Variants in DLGAP1 observed in about 807,000 individuals in gnomAD.
DLGAP1 encodes the protein disks large-associated protein 1.
Under a neutral mutation model 90.8 loss-of-function variants are expected in DLGAP1, and 11 were observed. The observed-to-expected ratio is 0.12, with a 90% confidence interval of 0.08 to 0.20. The LOEUF (loss-of-function observed/expected upper bound fraction) is 0.20. Ranked by LOEUF, DLGAP1 falls within the 10% of genes least tolerant of loss-of-function variation. The pLI is 1.00. For missense variants in DLGAP1, 1,050 were observed against 1,333.8 expected, an observed-to-expected ratio of 0.79 and a Z score of 3.31; for synonymous variants, 558 against 540.7, an observed-to-expected ratio of 1.03 and a Z score of -0.44.
At chr18:4,079,046 A>G (rs2075565651) in intron 2 of DLGAP1, among the ~76,000 whole-genome samples, 1 of 152,184 alleles carries the variant, frequency 6.6e-6, no homozygotes, top group African/African-American at 2.4e-5. Context: ...TCATTGGCAG[A>G]AGACACCTGA....
chr18:3,682,189 G>A (rs2060545134), intron 7 of DLGAP1, among the ~76,000 whole-genome samples: 1 of 151,786 alleles, frequency 6.6e-6, no homozygotes, highest in Non-Finnish European at 1.5e-5. Context: ...ATAAAAGTGT[G>A]TGGCACCTCC....
intron 2 of DLGAP1, among the ~76,000 whole-genome samples, chr18:4,054,169 G>A (rs1251323034): frequency 6.6e-6 from 1 of 152,098 alleles, no homozygotes; most frequent in Non-Finnish European, 1.5e-5. Context: ...TGATCTTTTA[G>A]GTCTGAATAT....
chr18:3,760,214 T>C (rs1036387045), intron 5 of DLGAP1, among the ~76,000 whole-genome samples: 1 of 151,986 alleles, frequency 6.6e-6, no homozygotes, highest in Non-Finnish European at 1.5e-5. Context: ...GGCCAAGACA[T>C]TGTGACAAGA....
At chr18:4,090,529 T>TA (rs1278531831) in intron 2 of DLGAP1, among the ~76,000 whole-genome samples, 1 of 152,146 alleles carries the variant, frequency 6.6e-6, no homozygotes, top group Non-Finnish European at 1.5e-5. Flanking sequence ...AAATGCAAAT[T>TA]AAAACCGCAA....
At chr18:4,439,615 G>A (rs902152663) in intron 1 of DLGAP1, among the ~76,000 whole-genome samples, 3 of 151,876 alleles carry the variant, frequency 2.0e-5, no homozygotes, top group African/African-American at 4.8e-5. Context: ...AGACCAGCCT[G>A]GGCAACATAG....
chr18:4,094,603 CTTTCTT>C (rs1433894301), intron 2 of DLGAP1, among the ~76,000 whole-genome samples: 1 of 131,034 alleles, frequency 7.6e-6, no homozygotes, highest in Non-Finnish European at 1.6e-5. Context: ...CTTCCTTTCT[CTTTCTT>C]TTTTTTTTTT....
intron 7 of DLGAP1, among the ~76,000 whole-genome samples, chr18:3,615,693 T>C (rs1295026192): frequency 1.3e-5 from 2 of 152,134 alleles, no homozygotes; most frequent in African/African-American, 4.8e-5. Context: ...ATTTCTCAAG[T>C]CTGTCTCTGT....
At chr18:3,704,532 T>C (rs2061376513) in intron 7 of DLGAP1, among the ~76,000 whole-genome samples, 1 of 151,560 alleles carries the variant, frequency 6.6e-6, no homozygotes. Context: ...ACTGCACCAC[T>C]GCACTCCAGA....
chr18:3,971,999 C>T (rs2073459836), intron 3 of DLGAP1, among the ~76,000 whole-genome samples: 1 of 152,156 alleles, frequency 6.6e-6, no homozygotes, highest in Non-Finnish European at 1.5e-5. Flanking sequence ...CTTGGGTTCT[C>T]ATCAGGAGAC....
intron 7 of DLGAP1, among the ~76,000 whole-genome samples, chr18:3,661,277 A>C (rs8096569): frequency 0.25 from 37,284 of 152,046 alleles, 4,726 homozygotes; most frequent in African/African-American, 0.3. Context: ...AATGGCCACA[A>C]ATTCTTCCAC....
At chr18:4,001,952 C>T (rs2074195135) in intron 3 of DLGAP1, among the ~76,000 whole-genome samples, 1 of 152,164 alleles carries the variant, frequency 6.6e-6, no homozygotes, top group South Asian at 2.1e-4. Flanking sequence ...TCAGAAGTCC[C>T]TTTGTCCTCT....
At chr18:3,624,002 C>T (rs1323124245) in intron 7 of DLGAP1, among the ~76,000 whole-genome samples, 1 of 152,130 alleles carries the variant, frequency 6.6e-6, no homozygotes, top group Non-Finnish European at 1.5e-5. Context: ...ATCCAGACAG[C>T]TGCTGCCACA....
At chr18:3,792,297 A>G (rs1019247515) in intron 5 of DLGAP1, among the ~76,000 whole-genome samples, 6 of 152,138 alleles carry the variant, frequency 3.9e-5, no homozygotes, top group Admixed American at 1.3e-4. Flanking sequence ...CCTGGCCAAC[A>G]TGGTGAAACC....
intron 2 of DLGAP1, among the ~76,000 whole-genome samples, chr18:4,071,433 G>A (rs1021546676): frequency 3.3e-5 from 5 of 152,056 alleles, no homozygotes; most frequent in African/African-American, 1.2e-4. Context: ...CTCGGTGATC[G>A]ATTTGCTATT....
At chr18:3,979,259 A>G (rs1218817349) in intron 3 of DLGAP1, among the ~76,000 whole-genome samples, 2 of 152,148 alleles carry the variant, frequency 1.3e-5, no homozygotes, top group Non-Finnish European at 2.9e-5. Context: ...CTATGTTTAG[A>G]TGCACAAATA....
At chr18:3,977,491 G>C (rs2149021729) in intron 3 of DLGAP1, among the ~76,000 whole-genome samples, 1 of 125,918 alleles carries the variant, frequency 7.9e-6, no homozygotes. Flanking sequence ...TACACAATGA[G>C]GTAGGGCTCC....
chr18:4,191,755 T>C (rs1172112727), intron 1 of DLGAP1, among the ~76,000 whole-genome samples: 2 of 152,178 alleles, frequency 1.3e-5, no homozygotes, highest in African/African-American at 4.8e-5. Flanking sequence ...CTCTGTAGTG[T>C]AGGTCAGGAC....
intron 1 of DLGAP1, among the ~76,000 whole-genome samples, chr18:4,186,391 T>C (rs2077295983): frequency 2.6e-5 from 4 of 152,246 alleles, no homozygotes; most frequent in Middle Eastern, 6.8e-3. Context: ...TTGTCTTCCA[T>C]GGTTTTTATA....
intron 1 of DLGAP1, among the ~76,000 whole-genome samples, chr18:4,323,251 A>T (rs2080739890): frequency 6.6e-6 from 1 of 152,216 alleles, no homozygotes; most frequent in South Asian, 2.1e-4. Flanking sequence ...ATCACCTTAT[A>T]CTTGTAAAAA....
Sources: gnomAD v4.1 joint callset for allele counts (sites outside exome capture counted in the v4.1 genomes callset) on GRCh38, gnomAD v4.1.1 for gene constraint, MANE v1.5 for transcripts, NCBI Gene and HGNC (gene_info 2026-07-23, HGNC 2026-07-21) for gene names.